Variants in DGLUCY observed in about 807,000 individuals in gnomAD.
The protein encoded by DGLUCY is D-glutamate cyclase, mitochondrial.
Under a neutral mutation model 58.5 loss-of-function variants are expected in DGLUCY, and 58 were observed. The observed-to-expected ratio is 0.99, with a 90% confidence interval of 0.80 to 1.23. DGLUCY has a LOEUF of 1.23. Among genes scored for constraint, DGLUCY ranks in the 50% most tolerant of loss-of-function variants. DGLUCY has a pLI of 0.00. For missense variants in DGLUCY, 779 were observed against 784.7 expected, an observed-to-expected ratio of 0.99 and a Z score of 0.09; for synonymous variants, 325 against 314.1, an observed-to-expected ratio of 1.03 and a Z score of -0.37.
chr14:91,199,279 A>T (rs1447647705), intron 10 of DGLUCY, among the ~76,000 whole-genome samples: 1 of 151,306 alleles, frequency 6.6e-6, no homozygotes, highest in Non-Finnish European at 1.5e-5. Flanking sequence ...TTTTTTTTCA[A>T]GACAGAGTCT....
intron 4 of DGLUCY, among the ~76,000 whole-genome samples, chr14:91,169,078 C>T (rs1323065462): frequency 6.6e-6 from 1 of 151,334 alleles, no homozygotes; most frequent in Non-Finnish European, 1.5e-5. Flanking sequence ...CAGAGCAAGA[C>T]TCTGTCTCAA....
chr14:91,202,897 A>T (rs2050663273), intron 11 of DGLUCY, among the ~76,000 whole-genome samples: 1 of 151,740 alleles, frequency 6.6e-6, no homozygotes, highest in Non-Finnish European at 1.5e-5. Context: ...GCCGCCCCAG[A>T]CCCTCCTGCC....
intron 1 of DGLUCY, among the ~76,000 whole-genome samples, chr14:91,070,682 A>T (rs2043900192): frequency 6.6e-6 from 1 of 152,204 alleles, no homozygotes; most frequent in Non-Finnish European, 1.5e-5. Flanking sequence ...AAAACAATGG[A>T]ACAATATGGA....
chr14:91,140,104 C>T (rs2046569513), intron 1 of DGLUCY, among the ~76,000 whole-genome samples: 1 of 152,238 alleles, frequency 6.6e-6, no homozygotes, highest in Non-Finnish European at 1.5e-5. Context: ...TCTTGCATGA[C>T]TCAGCTTTCA....
At chr14:91,147,960 G>A (rs1354545313) in intron 1 of DGLUCY, 1 of 152,174 alleles carries the variant, frequency 6.6e-6, no homozygotes, top group East Asian at 1.9e-4. Context: ...GATCACTTAA[G>A]GTCAGGAGTT....
intron 1 of DGLUCY, among the ~76,000 whole-genome samples, chr14:91,102,847 C>T (rs955224982): frequency 1.3e-5 from 2 of 151,242 alleles, no homozygotes; most frequent in Non-Finnish European, 2.9e-5. Flanking sequence ...CTGCAACCTT[C>T]GCCTCCCAGG....
At chr14:91,216,822 C>G (rs150022396) in intron 13 of DGLUCY, among the ~76,000 whole-genome samples, 2 of 152,202 alleles carry the variant, frequency 1.3e-5, no homozygotes, top group Admixed American at 6.5e-5. Context: ...TAGGTACACT[C>G]TGTAGCCCAG....
intron 1 of DGLUCY, among the ~76,000 whole-genome samples, chr14:91,127,076 A>G (rs1231136315): frequency 3.5e-4 from 8 of 23,022 alleles, no homozygotes; most frequent in Non-Finnish European, 6.6e-4. Context: ...TTTTTTTTTG[A>G]GATAGAATTT....
chr14:91,142,510 A>G (rs1222879462), intron 1 of DGLUCY, among the ~76,000 whole-genome samples: 1 of 152,036 alleles, frequency 6.6e-6, no homozygotes, highest in African/African-American at 2.4e-5. Flanking sequence ...ATAAGATGCA[A>G]AGATTTCTTA....
intron 1 of DGLUCY, among the ~76,000 whole-genome samples, chr14:91,067,545 C>CT (rs562189430): frequency 3.9e-4 from 58 of 147,814 alleles, no homozygotes; most frequent in Admixed American, 1.3e-3. Context: ...TTACCAATAT[C>CT]TTTTTTTTTT....
At chr14:91,216,766 C>T (rs994760633) in intron 13 of DGLUCY, among the ~76,000 whole-genome samples, 1 of 152,184 alleles carries the variant, frequency 6.6e-6, no homozygotes, top group African/African-American at 2.4e-5. Flanking sequence ...TTTGTCTGAG[C>T]TCCTCCGACT....
At position 91,098,681 on chromosome 14, in the gene DGLUCY, C is replaced by T. The variant is rs955431191; in HGVS notation, c.-82+37977C>T. Among the ~76,000 whole-genome samples the T allele has an allele frequency of 1.2e-4, 18 of 152,206 alleles. 1 individual carries two copies. Among genetic ancestry groups the T allele is most frequent in the Admixed American group, 8.5e-4 (13 of 15,278 alleles). On this transcript the variant is annotated intron_variant, in intron 1 of 4. Coordinates refer to the DGLUCY transcript ENST00000521334. ...ACCTGCCTCATCCTGACCACTGCTG[C>T]AGGCCTGTCCTCTTGCCAAAAAGAT...
chr14:91,074,190 G>A (rs11844868), intron 1 of DGLUCY, among the ~76,000 whole-genome samples: 5,457 of 142,336 alleles, frequency 0.038, 333 homozygotes, highest in African/African-American at 0.11. Flanking sequence ...CAGCTACTTG[G>A]GAGGCTGAGG....
intron 9 of DGLUCY, among the ~76,000 whole-genome samples, chr14:91,190,238 C>T (rs1454514843): frequency 1.3e-5 from 2 of 151,974 alleles, no homozygotes; most frequent in African/African-American, 2.4e-5. Context: ...CCGCCCGCCT[C>T]GGCCTCCCAA....
intron 12 of DGLUCY, among the ~76,000 whole-genome samples, chr14:91,212,313 C>A (rs974182157): frequency 2.0e-5 from 3 of 149,838 alleles, no homozygotes; most frequent in African/African-American, 7.4e-5. Flanking sequence ...TTGAGACCAG[C>A]CTGGGCAATG....
chr14:91,175,151 G>A (rs550399660), intron 6 of DGLUCY, among the ~76,000 whole-genome samples: 2 of 152,076 alleles, frequency 1.3e-5, no homozygotes, highest in Non-Finnish European at 2.9e-5. Flanking sequence ...CTATTCTTTG[G>A]TATATTTGGG....
chr14:91,195,308 C>A (rs932465129), intron 9 of DGLUCY, among the ~76,000 whole-genome samples: 4 of 152,312 alleles, frequency 2.6e-5, no homozygotes, highest in African/African-American at 9.6e-5. Context: ...TTAATGAAAA[C>A]CAAGTTCATT....
chr14:91,139,927 G>A (rs192074664), intron 1 of DGLUCY, among the ~76,000 whole-genome samples: 2 of 152,318 alleles, frequency 1.3e-5, no homozygotes, highest in East Asian at 1.9e-4. Context: ...GAAGAGGGAG[G>A]CTGTGGTCAC....
chr14:91,174,785 TG>T (rs1013356971), intron 6 of DGLUCY, among the ~76,000 whole-genome samples: 1 of 152,200 alleles, frequency 6.6e-6, no homozygotes, highest in African/African-American at 2.4e-5. Context: ...AACTGGTGTC[TG>T]TAGGGGGGTG....
Sources: gnomAD v4.1 joint callset for allele counts (sites outside exome capture counted in the v4.1 genomes callset) on GRCh38, gnomAD v4.1.1 for gene constraint, MANE v1.5 for transcripts, NCBI Gene and HGNC (gene_info 2026-07-23, HGNC 2026-07-21) for gene names.